The following BST1 variants were observed in gnomAD, a reference collection of about 807,000 sequenced individuals.
BST1 encodes ADP-ribosyl cyclase/cyclic ADP-ribose hydrolase 2.
A neutral mutation model predicts 40.6 loss-of-function variants in BST1; 49 were observed. The observed-to-expected ratio is 1.21, with a 90% CI of 0.96 to 1.53. The LOEUF (loss-of-function observed/expected upper bound fraction) is 1.53. Among genes scored for constraint, BST1 ranks in the 40% most tolerant of loss-of-function variants. BST1 has a pLI of 0.00. For missense variants in BST1, 423 were observed against 395.9 expected (o/e 1.07, Z -0.58); for synonymous variants, 157 against 159.3 (o/e 0.99, Z 0.11).
chr4:15,722,796 G>A (rs1472475137), intron 7 of BST1, 79 bp from the exon 8 acceptor site: 14 of 1,252,382 alleles, frequency 1.1e-5, no homozygotes, highest in Middle Eastern at 2.0e-4. Context: ...GTATCTCCAG[G>A]ACTTTTCAGG....
intron 1 of BST1, 33 bp from the exon 2 acceptor site, chr4:15,705,482 T>C: frequency 6.5e-7 from 1 of 1,546,638 alleles, no homozygotes; most frequent in Non-Finnish European, 8.7e-7. Flanking sequence ...GATGTGCATG[T>C]GTGTGTTCTT....
At chr4:15,742,443 G>C (rs1469153432), downstream of BST1, among the ~76,000 whole-genome samples, 3 of 152,166 alleles carry the variant, frequency 2.0e-5, no homozygotes, top group Non-Finnish European at 4.4e-5. Flanking sequence ...CTTCCACCAT[G>C]AGTCGAAGCA....
chr4:15,743,341 C>T, the BST1 span: 1 of 350,652 alleles, frequency 2.9e-6, no homozygotes, highest in Non-Finnish European at 5.6e-6. Context: ...CTTACAGATG[C>T]AGAGATCATG....
the BST1 span, among the ~76,000 whole-genome samples, chr4:15,747,314 C>T: frequency 3.3e-5 from 5 of 152,170 alleles, no homozygotes; most frequent in Admixed American, 2.6e-4. Flanking sequence ...GCCTGTCAGG[C>T]CCCTGTTTGC....
At chr4:15,743,489 A>T in the BST1 span, 1 of 262,250 alleles carries the variant, frequency 3.8e-6, no homozygotes, top group Non-Finnish European at 7.6e-6. Context: ...AAAAAAAATT[A>T]AAGAACTAAA....
chr4:15,704,256 G>C (rs927691875), intron 1 of BST1, among the ~76,000 whole-genome samples: 1 of 149,508 alleles, frequency 6.7e-6, no homozygotes, highest in Non-Finnish European at 1.5e-5. Context: ...GAGATGAGGT[G>C]TGTATGTGTG....
chr4:15,712,977 A>G (rs1720299249), intron 4 of BST1, among the ~76,000 whole-genome samples: 1 of 152,196 alleles, frequency 6.6e-6, no homozygotes, highest in South Asian at 2.1e-4. Flanking sequence ...TATTTTACCC[A>G]GTGGATCTGC....
At chr4:15,740,178 C>G (rs1400889916), downstream of BST1, among the ~76,000 whole-genome samples, 5 of 152,122 alleles carry the variant, frequency 3.3e-5, no homozygotes, top group Non-Finnish European at 7.4e-5. Flanking sequence ...CTCGGCCTCC[C>G]TAGCAGCTGG....
chr4:15,726,166 G>T (rs377154482), intron 8 of BST1, among the ~76,000 whole-genome samples: 2 of 138,736 alleles, frequency 1.4e-5, no homozygotes, highest in East Asian at 4.7e-4. Context: ...GTAGAGATGA[G>T]GTCTCACTAT....
chr4:15,735,524 T>G (rs544478540), downstream of BST1, among the ~76,000 whole-genome samples: 2 of 152,330 alleles, frequency 1.3e-5, no homozygotes, highest in African/African-American at 4.8e-5. Flanking sequence ...TGGCATACTT[T>G]CATAAAACAC....
the BST1 span, among the ~76,000 whole-genome samples, chr4:15,756,362 T>C: frequency 6.6e-6 from 1 of 152,328 alleles, no homozygotes; most frequent in African/African-American, 2.4e-5. Context: ...GAGGAGAGTT[T>C]TCTTTCTCAT....
At chr4:15,719,704 T>C (rs1397070765) in intron 7 of BST1, among the ~76,000 whole-genome samples, 1 of 152,150 alleles carries the variant, frequency 6.6e-6, no homozygotes, top group Non-Finnish European at 1.5e-5. Flanking sequence ...GGAAATGACG[T>C]CAGTGGTCTT....
chr4:15,729,852 G>A (rs1263846069), intron 8 of BST1, among the ~76,000 whole-genome samples: 1 of 152,102 alleles, frequency 6.6e-6, no homozygotes, highest in Non-Finnish European at 1.5e-5. Context: ...GATAGAAATA[G>A]GTCTGAGAAA....
Position 15,715,332 on chromosome 4 carries a change from A to G in BST1, c.582A>G (p.Ser194=). ...SGVIHVMLNG[S]EPTGAYPIKG... ...TGATCCACGTCATGCTGAATGGTTC[A>G]GAGCCAACAGGAGCCTATCCCATCA... The change falls in exon 5 of 9, where the codon TCA becomes TCG. Residue 194 remains serine (S), a synonymous_variant. Coordinates refer to ENST00000265016, the MANE Select transcript of BST1 (RefSeq NM_004334.3). The G allele has an allele frequency of 6.2e-7, 1 of 1,614,188 alleles. No individual in the cohort carries two copies. Among genetic ancestry groups the G allele is most frequent in the Non-Finnish European group, 8.5e-7 (1 of 1,180,002 alleles).
At chr4:15,763,483 C>T in the BST1 span, among the ~76,000 whole-genome samples, 1 of 151,782 alleles carries the variant, frequency 6.6e-6, no homozygotes, top group African/African-American at 2.4e-5. Context: ...TATATAAGCA[C>T]ACAATTGCTA....
chr4:15,760,323 T>C, the BST1 span, among the ~76,000 whole-genome samples: 2 of 151,958 alleles, frequency 1.3e-5, no homozygotes, highest in Non-Finnish European at 2.9e-5. Context: ...GTTTATCCAT[T>C]CATCAATTAA....
At chr4:15,757,343 C>A in the BST1 span, among the ~76,000 whole-genome samples, 1 of 152,106 alleles carries the variant, frequency 6.6e-6, no homozygotes, top group Non-Finnish European at 1.5e-5. Context: ...GCCAAAGAAC[C>A]CAGGAGGGTG....
chr4:15,743,105 G>C, downstream of BST1: 1 of 156,740 alleles, frequency 6.4e-6, no homozygotes, highest in Non-Finnish European at 1.4e-5. Context: ...TGAAAATCAT[G>C]AACCCACTTT....
chr4:15,757,982 C>CAATAACATCAGCATTTTT, the BST1 span, among the ~76,000 whole-genome samples: 1 of 152,122 alleles, frequency 6.6e-6, no homozygotes, highest in Non-Finnish European at 1.5e-5. Flanking sequence ...TTTAAAAACC[C>CAATAACATCAGCATTTTT]AATAACATCA....
Sources: allele counts gnomAD v4.1 joint callset (sites outside exome capture counted in the v4.1 genomes callset), GRCh38; gene constraint gnomAD v4.1.1; transcripts MANE v1.5; gene names NCBI Gene and HGNC (gene_info 2026-07-23, HGNC 2026-07-21).